Variants in DNAJC3 observed in about 807,000 individuals in gnomAD.
DNAJC3 encodes the protein DnaJ heat shock protein family (Hsp40) member C3.
Under a neutral mutation model 68.6 loss-of-function variants are expected in DNAJC3, and 38 were observed. That is an observed-to-expected ratio of 0.55 (90% CI 0.43 to 0.73). DNAJC3 has a LOEUF of 0.73. Among genes scored for constraint, DNAJC3 ranks in the 30% least tolerant of loss-of-function variants. DNAJC3 has a pLI of 0.00. For missense variants in DNAJC3, 526 were observed against 591.9 expected, an observed-to-expected ratio of 0.89 and a Z score of 1.16; for synonymous variants, 203 against 204.0, an observed-to-expected ratio of 1.00 and a Z score of 0.04.
intron 7 of DNAJC3, among the ~76,000 whole-genome samples, chr13:95,762,107 A>G (rs1396188850): frequency 6.6e-6 from 1 of 152,152 alleles, no homozygotes; most frequent in Non-Finnish European, 1.5e-5. Context: ...TACTAAAAAT[A>G]CAAAATTAGC....
At chr13:95,770,936 C>T (rs1186976935) in intron 9 of DNAJC3, among the ~76,000 whole-genome samples, 1 of 152,014 alleles carries the variant, frequency 6.6e-6, no homozygotes, top group Non-Finnish European at 1.5e-5. Context: ...AGCAGGTAAA[C>T]CCTCCCCCCA....
rs993474477 is a variant in DNAJC3 at position 95,792,747 on chromosome 13, G to T, written c.*1717G>T. ...TGCTTTAATGTTTCAATTCAAGCCG[G>T]TGTAAAAATAATTTCCAAGGCATTT... On this transcript the variant is annotated 3_prime_UTR_variant, in exon 12 of 12. Coordinates refer to ENST00000602402, the MANE Select transcript of DNAJC3 (RefSeq NM_006260.5). The T allele has an allele frequency of 1.3e-5, 2 of 152,154 alleles. No individual in the cohort carries two copies. Among genetic ancestry groups the T allele is most frequent in the Non-Finnish European group, 2.9e-5 (2 of 68,032 alleles). 9.4% of individuals were successfully genotyped at this position (152,154 alleles called of 1,614,324 possible).
chr13:95,713,551 A>G (rs1881042257), intron 2 of DNAJC3, among the ~76,000 whole-genome samples: 1 of 152,256 alleles, frequency 6.6e-6, no homozygotes, highest in Non-Finnish European at 1.5e-5. Context: ...AAAGTTGTCA[A>G]GTGGCCCCCA....
intron 9 of DNAJC3, among the ~76,000 whole-genome samples, chr13:95,779,542 C>A (rs903978670): frequency 6.6e-6 from 1 of 152,142 alleles, no homozygotes; most frequent in Non-Finnish European, 1.5e-5. Context: ...TTAAAACTCT[C>A]TATTTCCATT....
intron 1 of DNAJC3, among the ~76,000 whole-genome samples, chr13:95,706,327 C>T (rs1029847724): frequency 2.0e-5 from 3 of 152,110 alleles, no homozygotes; most frequent in Non-Finnish European, 2.9e-5. Flanking sequence ...TTACAAAAAA[C>T]GGTTTGTTGA....
chr13:95,737,453 GA>G (rs1387820392), intron 4 of DNAJC3, among the ~76,000 whole-genome samples: 14 of 151,084 alleles, frequency 9.3e-5, no homozygotes, highest in African/African-American at 3.4e-4. Context: ...TCTGGTCCTG[GA>G]CTCTTTTTGG....
At chr13:95,758,306 C>T (rs1385554334) in intron 5 of DNAJC3, among the ~76,000 whole-genome samples, 1 of 151,944 alleles carries the variant, frequency 6.6e-6, no homozygotes, top group Non-Finnish European at 1.5e-5. Context: ...CACTGTACCC[C>T]AGCCTGGGCG....
In DNAJC3 at chr13:95,733,204, G is replaced by A. The variant is rs576631918; in HGVS notation, c.393+7952G>A. 1.4e-3 allele frequency among the ~76,000 whole-genome samples: 216 copies of A among 152,164 alleles called. 2 individuals are homozygous for A. The highest frequency in any genetic ancestry group is 2.3e-3 in the Non-Finnish European group (156 of 68,012). On this transcript the variant is annotated intron_variant, in intron 4 of 11. Coordinates refer to ENST00000602402, the MANE Select transcript of DNAJC3 (RefSeq NM_006260.5). ...TTTTTTGTTGATTTTCTGTCTATAT[G>A]ATCTATGTAATGCTGAGAGTGGGGT...
intron 1 of DNAJC3, among the ~76,000 whole-genome samples, chr13:95,696,321 G>T (rs1050203404): frequency 6.6e-6 from 1 of 151,918 alleles, no homozygotes; most frequent in East Asian, 1.9e-4. Flanking sequence ...TACTCTCCTC[G>T]CTCTGGGCCC....
chr13:95,789,070 G>A (rs1346854959), intron 11 of DNAJC3, among the ~76,000 whole-genome samples: 2 of 152,180 alleles, frequency 1.3e-5, no homozygotes, highest in East Asian at 3.8e-4. Context: ...AGAGCAAAGC[G>A]AGACTTGGGA....
At chr13:95,714,717 A>G (rs1171469229) in intron 2 of DNAJC3, among the ~76,000 whole-genome samples, 1 of 152,226 alleles carries the variant, frequency 6.6e-6, no homozygotes, top group East Asian at 1.9e-4. Context: ...TCAGCATGGC[A>G]ATTTAAATTC....
intron 4 of DNAJC3, 26 bp downstream of exon 4, chr13:95,725,278 A>G: frequency 6.6e-7 from 1 of 1,520,484 alleles, no homozygotes; most frequent in Non-Finnish European, 8.9e-7. Context: ...ATTTGACTCT[A>G]GGAAGATGTT....
chr13:95,681,018 T>G (rs899226235), intron 1 of DNAJC3, among the ~76,000 whole-genome samples: 1 of 152,254 alleles, frequency 6.6e-6, no homozygotes, highest in African/African-American at 2.4e-5. Context: ...ACTAACTATA[T>G]TGCTCTTTGG....
At chr13:95,700,929 AT>A (rs1880569135) in intron 1 of DNAJC3, among the ~76,000 whole-genome samples, 1 of 152,198 alleles carries the variant, frequency 6.6e-6, no homozygotes, top group Admixed American at 6.5e-5. Context: ...CTCCAGAATA[AT>A]TATGTCATGA....
intron 4 of DNAJC3, among the ~76,000 whole-genome samples, chr13:95,725,829 C>G (rs1156936538): frequency 8.7e-6 from 1 of 114,598 alleles, no homozygotes; most frequent in African/African-American, 3.3e-5. Flanking sequence ...CCCCCCTCCC[C>G]CCACCCCACA....
intron 11 of DNAJC3, among the ~76,000 whole-genome samples, chr13:95,790,471 T>C (rs1329034079): frequency 6.6e-6 from 1 of 152,230 alleles, no homozygotes; most frequent in Non-Finnish European, 1.5e-5. Context: ...GATGAGGTCA[T>C]TGCCTTACAG....
At chr13:95,723,713 C>T (rs1881419163) in intron 3 of DNAJC3, among the ~76,000 whole-genome samples, 1 of 152,116 alleles carries the variant, frequency 6.6e-6, no homozygotes, top group Non-Finnish European at 1.5e-5. Context: ...AGGTGACTGG[C>T]AGCAGTTGCA....
intron 4 of DNAJC3, among the ~76,000 whole-genome samples, chr13:95,732,113 A>C (rs1400177052): frequency 6.6e-6 from 1 of 152,056 alleles, no homozygotes; most frequent in African/African-American, 2.4e-5. Flanking sequence ...ATCTGTGTTC[A>C]TCAAAGACAT....
In DNAJC3 at chr13:95,793,013, G is replaced by C. The variant is rs910490322; in HGVS notation, c.*1983G>C. 4 of 152,198 alleles carry C rather than the reference G, an allele frequency of 2.6e-5. No homozygotes were observed. The highest frequency in any genetic ancestry group is 9.7e-5 in the African/African-American group (4 of 41,440). The allele number at this position is 152,198 out of a possible 1,614,324, so 9.4% of individuals were successfully genotyped here. ...GTCAAGGGCCGCACAGGAGATGTGT[G>C]GGGGCCTGGCCACCTCCCACCTGCT... is the stretch of plus-strand genomic sequence containing the variant. On this transcript the variant is annotated 3_prime_UTR_variant, in exon 12 of 12. Coordinates refer to ENST00000602402, the MANE Select transcript of DNAJC3 (RefSeq NM_006260.5).
Sources: allele counts gnomAD v4.1 joint callset (sites outside exome capture counted in the v4.1 genomes callset), GRCh38; gene constraint gnomAD v4.1.1; transcripts MANE v1.5; gene names NCBI Gene and HGNC (gene_info 2026-07-23, HGNC 2026-07-21).